The following DCC variants were observed in gnomAD, a reference collection of about 807,000 sequenced individuals.
DCC encodes DCC netrin 1 receptor, also known as netrin receptor DCC.
Under a neutral mutation model 172.5 loss-of-function variants are expected in DCC, and 58 were observed. The observed-to-expected ratio is 0.34, with a 90% CI of 0.27 to 0.42. DCC has a LOEUF of 0.42. Among genes scored for constraint, DCC ranks in the 10% least tolerant of loss-of-function variants. The pLI is 1.00. For synonymous variants in DCC, 709 were observed against 644.5 expected, an observed-to-expected ratio of 1.10 and a Z score of -1.52; for missense variants, 1,740 against 1,791.0, an observed-to-expected ratio of 0.97 and a Z score of 0.51.
chr18:53,518,121 A>ATAAT (rs2046359649), intron 27 of DCC, among the ~76,000 whole-genome samples: 1 of 152,164 alleles, frequency 6.6e-6, no homozygotes, highest in South Asian at 2.1e-4. Flanking sequence ...ATATATAAGA[A>ATAAT]TAATATTCTG....
chr18:53,063,561 A>AT (rs1273166413), intron 6 of DCC, 102 bp downstream of exon 6: 5 of 926,180 alleles, frequency 5.4e-6, no homozygotes, highest in Non-Finnish European at 8.4e-6. Flanking sequence ...CCTGTTGGAG[A>AT]TTTTTTGTGA....
intron 1 of DCC, among the ~76,000 whole-genome samples, chr18:52,356,785 A>G (rs1390003073): frequency 2.0e-5 from 2 of 101,290 alleles, no homozygotes; most frequent in Non-Finnish European, 4.2e-5. Flanking sequence ...GAAAACCTAA[A>G]TCATTTTTTT....
intron 12 of DCC, among the ~76,000 whole-genome samples, chr18:53,268,221 T>TA (rs2144699697): frequency 6.6e-6 from 1 of 152,302 alleles, no homozygotes; most frequent in African/African-American, 2.4e-5. Flanking sequence ...ATTTCTTCTG[T>TA]AACCTAAAGC....
intron 5 of DCC, among the ~76,000 whole-genome samples, chr18:53,032,640 C>T (rs924847876): frequency 1.3e-5 from 2 of 152,002 alleles, no homozygotes; most frequent in African/African-American, 4.8e-5. Flanking sequence ...AATAATTTTG[C>T]ATTTATATGG....
intron 1 of DCC, among the ~76,000 whole-genome samples, chr18:52,422,258 A>G (rs897626157): frequency 1.1e-4 from 17 of 152,322 alleles, no homozygotes; most frequent in Admixed American, 1.1e-3. Flanking sequence ...CAAATCTTAG[A>G]GAACAATTCA....
chr18:52,808,475 T>A (rs1251908167), intron 2 of DCC, among the ~76,000 whole-genome samples: 1 of 151,222 alleles, frequency 6.6e-6, no homozygotes, highest in Non-Finnish European at 1.5e-5. Context: ...AATCTTGTCA[T>A]GAAAAACAAA....
At chr18:52,684,361 C>G (rs2035795270) in intron 1 of DCC, among the ~76,000 whole-genome samples, 1 of 142,752 alleles carries the variant, frequency 7.0e-6, no homozygotes, top group South Asian at 2.4e-4. Flanking sequence ...TTTCATTATG[C>G]TACTTCAAAG....
At chr18:52,518,772 A>C (rs1174195294) in intron 1 of DCC, among the ~76,000 whole-genome samples, 2 of 152,236 alleles carry the variant, frequency 1.3e-5, no homozygotes, top group Non-Finnish European at 2.9e-5. Flanking sequence ...GAATGTTTGA[A>C]AACAGAGCCA....
In DCC at chr18:53,431,277, GCT is replaced by G. The variant is rs869095879; in HGVS notation, c.3164-3866_3164-3865del. ...TTTTATTATCAAAACTTTGGCAGAAGCTTTTTTTTTTTTTATGAAATTAGCTG... is the reference window on the plus strand; with the variant it reads ...TTTTATTATCAAAACTTTGGCAGAAGTTTTTTTTTTTTATGAAATTAGCTG... On this transcript the variant is annotated intron_variant, in intron 21 of 28. Coordinates refer to ENST00000442544, the MANE Select transcript of DCC (RefSeq NM_005215.4). 5.2e-3 allele frequency among the ~76,000 whole-genome samples: 669 copies of G among 129,478 alleles called. 5 individuals carry two copies. The highest frequency in any genetic ancestry group is 5.2e-3 in the Non-Finnish European group (317 of 61,286). 84.9% of individuals were successfully genotyped at this position (129,478 alleles called of 152,430 possible).
chr18:52,979,740 G>C (rs771742452), intron 5 of DCC, among the ~76,000 whole-genome samples: 7 of 152,130 alleles, frequency 4.6e-5, no homozygotes, highest in Non-Finnish European at 8.8e-5. Flanking sequence ...AGCACCAATG[G>C]GTAACATATC....
At chr18:53,482,289 C>A (rs1599201110) in intron 25 of DCC, among the ~76,000 whole-genome samples, 1 of 152,016 alleles carries the variant, frequency 6.6e-6, no homozygotes, top group African/African-American at 2.4e-5. Flanking sequence ...TCTGATGTCA[C>A]AAAATAATGA....
intron 7 of DCC, among the ~76,000 whole-genome samples, chr18:53,109,699 AT>A (rs1224655853): frequency 6.6e-6 from 1 of 151,214 alleles, no homozygotes; most frequent in African/African-American, 2.4e-5. Context: ...ATGAGAAGAC[AT>A]TTTTGACTGT....
At chr18:53,529,479 C>T (rs890440662) in intron 28 of DCC, among the ~76,000 whole-genome samples, 1 of 152,104 alleles carries the variant, frequency 6.6e-6, no homozygotes, top group Admixed American at 6.6e-5. Flanking sequence ...TATAAGTCAA[C>T]TAATATGTTC....
At chr18:53,244,409 A>G (rs2056341529) in intron 12 of DCC, among the ~76,000 whole-genome samples, 1 of 152,142 alleles carries the variant, frequency 6.6e-6, no homozygotes, top group Non-Finnish European at 1.5e-5. Flanking sequence ...TTGGTGATCT[A>G]TTGTTATGGA....
chr18:52,689,738 T>C (rs2035900648), intron 1 of DCC, among the ~76,000 whole-genome samples: 1 of 152,172 alleles, frequency 6.6e-6, no homozygotes, highest in South Asian at 2.1e-4. Flanking sequence ...TTAATATTAC[T>C]GGTCTCATGT....
chr18:52,826,666 A>G (rs375895299), intron 2 of DCC, among the ~76,000 whole-genome samples: 4 of 152,204 alleles, frequency 2.6e-5, no homozygotes, highest in East Asian at 3.9e-4. Context: ...TTTAGTAGAG[A>G]TGGGGTTTCA....
intron 7 of DCC, among the ~76,000 whole-genome samples, chr18:53,090,490 G>C (rs2042986892): frequency 6.6e-6 from 1 of 151,416 alleles, no homozygotes; most frequent in African/African-American, 2.4e-5. Flanking sequence ...TCAGGAGATT[G>C]AGACCATCCT....
At chr18:52,921,705 A>AATAATAATAATAAT (rs1555682009) in intron 3 of DCC, among the ~76,000 whole-genome samples, 2 of 146,902 alleles carry the variant, frequency 1.4e-5, no homozygotes, top group South Asian at 4.4e-4. Context: ...TCAAAAATAA[A>AATAATAATAATAAT]AATAATAATA....
chr18:52,681,483 G>A lies in DCC; in HGVS notation c.92-70571G>A, dbSNP rs199834125. On this transcript the variant is annotated intron_variant, in intron 1 of 28. Transcript: ENST00000442544. ...TTATTCTAAATAGGGATAACATTAG[G>A]CAAAATTGTTCAAAAGTAGTGGAAA... 8.5e-5 allele frequency among the ~76,000 whole-genome samples: 13 copies of A among 152,154 alleles called. No homozygotes were observed. In the East Asian group the frequency reaches 2.3e-3, roughly 27 times the overall value.
Sources: allele counts gnomAD v4.1 joint callset (sites outside exome capture counted in the v4.1 genomes callset), GRCh38; gene constraint gnomAD v4.1.1; transcripts MANE v1.5; gene names NCBI Gene and HGNC (gene_info 2026-07-23, HGNC 2026-07-21).